Variants in SLC25A17 observed in about 807,000 individuals in gnomAD.
SLC25A17 encodes peroxisomal membrane protein PMP34.
In SLC25A17, 26 loss-of-function variants were observed where a neutral mutation model predicts 38.5. The observed-to-expected ratio is 0.68, with a 90% confidence interval of 0.50 to 0.94. The LOEUF (loss-of-function observed/expected upper bound fraction) is 0.94, where lower values mean the gene tolerates loss of function less well. Among genes scored for constraint, SLC25A17 ranks in the 40% least tolerant of loss-of-function variants. The probability of loss-of-function intolerance (pLI) is 0.00; values close to 1 mark genes in which losing one functional copy is unlikely to be tolerated. For missense variants in SLC25A17, 333 were observed against 372.7 expected (o/e 0.89, Z 0.88); for synonymous variants, 139 against 136.2 (o/e 1.02, Z -0.14).
chr22:40,799,753 A>G (rs1271847535), intron 1 of SLC25A17: 2 of 152,198 alleles, frequency 1.3e-5, no homozygotes. Flanking sequence ...ATTTTAATCT[A>G]TTAGGATTAG....
chr22:40,795,132 C>T (rs1272477812), intron 2 of SLC25A17, among the ~76,000 whole-genome samples: 1 of 152,138 alleles, frequency 6.6e-6, no homozygotes, highest in Non-Finnish European at 1.5e-5. Flanking sequence ...TTTACCTCAC[C>T]TTTGAGCTCC....
In SLC25A17 at chr22:40,770,646, C is replaced by G. The variant is rs1490649425; in HGVS notation, c.*188G>C. ...AACTGCCACCCCAAAATCCAACCAG[C>G]CAGCATGACAATTAAGGTGACAACA... On this transcript the variant is annotated 3_prime_UTR_variant, in exon 9 of 9. Transcript: ENST00000435456. The G allele has an allele frequency of 2.3e-6, 1 of 441,446 alleles. No individual in the cohort carries two copies. The highest frequency in any genetic ancestry group is 3.8e-6 in the Non-Finnish European group (1 of 264,266). The allele number at this position is 441,446 out of a possible 1,614,324, so 27.3% of individuals were successfully genotyped here.
At chr22:40,781,939 C>T (rs933067195) in intron 4 of SLC25A17, among the ~76,000 whole-genome samples, 6 of 151,844 alleles carry the variant, frequency 4.0e-5, no homozygotes, top group Non-Finnish European at 7.4e-5. Context: ...CTGCCAGTTC[C>T]GGCCGGGTGC....
chr22:40,801,597 C>T (rs2057484894), intron 1 of SLC25A17, among the ~76,000 whole-genome samples: 1 of 152,170 alleles, frequency 6.6e-6, no homozygotes, highest in East Asian at 1.9e-4. Flanking sequence ...CACTCAACGA[C>T]TAAATGATAT....
chr22:40,818,171 C>T (rs1408588055), intron 1 of SLC25A17, among the ~76,000 whole-genome samples: 1 of 152,144 alleles, frequency 6.6e-6, no homozygotes, highest in Non-Finnish European at 1.5e-5. Flanking sequence ...CAGTGATGTT[C>T]CTCTGAAGTC....
In SLC25A17 at chr22:40,771,227, C is replaced by A. The variant is rs553321430; in HGVS notation, c.777-246G>T. Among the ~76,000 whole-genome samples the A allele has an allele frequency of 3.1e-3, 479 of 152,294 alleles. 2 individuals carry two copies. The highest frequency in any genetic ancestry group is 0.011 in the African/African-American group (462 of 41,568). ...AGTTCATGCCATTCTCCTGCCTCAGCCTCCCTAGCAGCTGGGACTAGAGGC... is the reference window on the plus strand; with the variant it reads ...AGTTCATGCCATTCTCCTGCCTCAGACTCCCTAGCAGCTGGGACTAGAGGC... On this transcript the variant is annotated intron_variant, in intron 8 of 8. Coordinates refer to ENST00000435456, the MANE Select transcript of SLC25A17 (RefSeq NM_006358.4).
chr22:40,806,377 C>T (rs1186180444), intron 1 of SLC25A17, among the ~76,000 whole-genome samples: 1 of 152,078 alleles, frequency 6.6e-6, no homozygotes, highest in Non-Finnish European at 1.5e-5. Context: ...ATATGGTAGC[C>T]TAGACAACGT....
intron 2 of SLC25A17, among the ~76,000 whole-genome samples, chr22:40,798,736 G>A (rs1159259477): frequency 1.3e-5 from 2 of 148,386 alleles, no homozygotes; most frequent in African/African-American, 5.0e-5. Context: ...GGGAGGCCAA[G>A]GCAGGAGATC....
intron 1 of SLC25A17, among the ~76,000 whole-genome samples, chr22:40,801,128 C>CATATATATAT (rs60780380): frequency 8.0e-4 from 81 of 101,180 alleles, no homozygotes; most frequent in East Asian, 4.2e-3. Context: ...AAATATATTA[C>CATATATATAT]ATATATATAT....
chr22:40,774,033 G>GAA lies in SLC25A17; in HGVS notation c.694-16_694-15dup. 6.5e-7 allele frequency: 1 copy of GAA among 1,549,672 alleles called. No individual in the cohort carries two copies. The highest frequency in any genetic ancestry group is 8.9e-7 in the Non-Finnish European group (1 of 1,126,756). On this transcript the variant is annotated splice_polypyrimidine_tract_variant and intron_variant, in intron 7 of 8. Coordinates refer to ENST00000435456, the MANE Select transcript of SLC25A17 (RefSeq NM_006358.4). ...ATGACGCCCAAACTGAGGAAAGAGG[G>GAA]AAAAAAAACAAAAGTACTGTTGCTG...
intron 1 of SLC25A17, among the ~76,000 whole-genome samples, chr22:40,810,800 G>GT (rs1428171292): frequency 1.3e-5 from 2 of 152,076 alleles, no homozygotes; most frequent in African/African-American, 4.8e-5. Context: ...TCTTCTAGTT[G>GT]TTTGTTTTGG....
In SLC25A17 at chr22:40,770,279, T is replaced by G. The variant is rs2057168226; in HGVS notation, c.*555A>C. On this transcript the variant is annotated 3_prime_UTR_variant, in exon 9 of 9. Transcript: ENST00000435456. ...GGTGAACAATTTTCATTTCACAAAA[T>G]AAATAGCTCATATCCAAAAAAGACA... is the stretch of plus-strand genomic sequence containing the variant. The G allele has an allele frequency of 2.0e-5, 3 of 151,852 alleles. No individual in the cohort carries two copies. The highest frequency in any genetic ancestry group is 2.0e-4 in the Admixed American group (3 of 15,234). 9.4% of individuals were successfully genotyped at this position (151,852 alleles called of 1,614,324 possible).
chr22:40,815,925 G>A (rs1054799954), intron 1 of SLC25A17, among the ~76,000 whole-genome samples: 2 of 152,158 alleles, frequency 1.3e-5, no homozygotes, highest in South Asian at 2.1e-4. Flanking sequence ...AGTGGCTCAC[G>A]CCTGTAATCC....
intron 7 of SLC25A17, among the ~76,000 whole-genome samples, chr22:40,774,908 A>G (rs1276324420): frequency 6.6e-6 from 1 of 152,120 alleles, no homozygotes; most frequent in Non-Finnish European, 1.5e-5. Context: ...ATTTTTCTCC[A>G]AAACAGATCT....
chr22:40,788,968 T>A (rs2057361777), intron 4 of SLC25A17: 1 of 324,662 alleles, frequency 3.1e-6, no homozygotes. Flanking sequence ...ACTCAGGATT[T>A]CCCCATAGAA....
In SLC25A17 at chr22:40,771,479, G is replaced by A. The variant is rs143646323; in HGVS notation, c.777-498C>T. On this transcript the variant is annotated intron_variant, in intron 8 of 8. Coordinates refer to ENST00000435456, the MANE Select transcript of SLC25A17 (RefSeq NM_006358.4). The stretch of plus-strand genomic sequence containing the variant: ...GCTACATGTCCATCAACAGATAAAT[G>A]GATAAAGAAAATGTGGTACTTATAC... Among the ~76,000 whole-genome samples, 511 of 152,218 alleles carry A rather than the reference G, an allele frequency of 3.4e-3. 6 individuals carry two copies. Among genetic ancestry groups the A allele is most frequent in the African/African-American group, 0.012 (492 of 41,514 alleles).
At chr22:40,778,765 A>T (rs998631916) in intron 5 of SLC25A17, among the ~76,000 whole-genome samples, 1 of 152,220 alleles carries the variant, frequency 6.6e-6, no homozygotes, top group Non-Finnish European at 1.5e-5. Flanking sequence ...ACAGCAAAAG[A>T]AACTACCGTC....
intron 4 of SLC25A17, among the ~76,000 whole-genome samples, chr22:40,781,844 C>T (rs1176542189): frequency 6.6e-6 from 1 of 152,012 alleles, no homozygotes; most frequent in African/African-American, 2.4e-5. Context: ...ATGCCACAAA[C>T]CATTCGTGAG....
intron 4 of SLC25A17, among the ~76,000 whole-genome samples, chr22:40,791,638 AGTGATGTT>A (rs2057385841): frequency 1.3e-5 from 2 of 152,222 alleles, no homozygotes; most frequent in South Asian, 4.1e-4. Flanking sequence ...ACATATGAAA[AGTGATGTT>A]CAGCATCACT....
Sources: allele counts gnomAD v4.1 joint callset (sites outside exome capture counted in the v4.1 genomes callset), GRCh38; gene constraint gnomAD v4.1.1; transcripts MANE v1.5; gene names NCBI Gene and HGNC (gene_info 2026-07-23, HGNC 2026-07-21).